CCDC191: variants seen among roughly 807,000 people sequenced by gnomAD.
The protein encoded by CCDC191 is coiled-coil domain containing 191, also known as coiled-coil domain-containing protein 191.
Under a neutral mutation model 114.0 loss-of-function variants are expected in CCDC191, and 99 were observed. That is an observed-to-expected ratio of 0.87 (90% CI 0.74 to 1.03). The LOEUF is 1.03. CCDC191 is among the 50% of genes least tolerant of loss of function. The pLI is 0.00. For synonymous variants in CCDC191, 351 were observed against 376.0 expected (o/e 0.93, Z 0.77); for missense variants, 973 against 1,087.0 (o/e 0.90, Z 1.47).
intron 9 of CCDC191, 61 bp from the exon 10 acceptor site, chr3:114,006,023 C>T: frequency 7.1e-7 from 1 of 1,402,402 alleles, no homozygotes; most frequent in Non-Finnish European, 1.0e-6. Flanking sequence ...TGAAATCCAA[C>T]ATTTATGAGG....
intron 16 of CCDC191, among the ~76,000 whole-genome samples, chr3:113,975,474 A>G (rs1941249948): frequency 6.6e-6 from 1 of 152,214 alleles, no homozygotes; most frequent in East Asian, 1.9e-4. Flanking sequence ...TTCCTGCAAT[A>G]AAGTTCATCT....
At chr3:114,054,580 T>C (rs904673850) in intron 1 of CCDC191, among the ~76,000 whole-genome samples, 5 of 152,172 alleles carry the variant, frequency 3.3e-5, no homozygotes, top group Non-Finnish European at 7.3e-5. Flanking sequence ...GAGCTTGCAG[T>C]GAGCCGAGAT....
intron 7 of CCDC191, among the ~76,000 whole-genome samples, chr3:114,025,464 C>A (rs2076308110): frequency 6.6e-6 from 1 of 152,128 alleles, no homozygotes; most frequent in Non-Finnish European, 1.5e-5. Context: ...ATATGTACCC[C>A]TTACATAAGG....
chr3:113,972,392 T>C (rs1035175193), intron 16 of CCDC191, among the ~76,000 whole-genome samples: 1 of 152,160 alleles, frequency 6.6e-6, no homozygotes, highest in Non-Finnish European at 1.5e-5. Flanking sequence ...GCTTCTGAAG[T>C]TCCTCTTACT....
intron 16 of CCDC191, among the ~76,000 whole-genome samples, chr3:113,967,386 T>A (rs1256447028): frequency 5.2e-5 from 6 of 115,446 alleles, no homozygotes; most frequent in African/African-American, 1.7e-4. Context: ...TTTCTCTTTC[T>A]TTCCCTACAT....
At chr3:114,055,374 C>G (rs1322175388) in intron 1 of CCDC191, among the ~76,000 whole-genome samples, 2 of 152,238 alleles carry the variant, frequency 1.3e-5, no homozygotes, top group East Asian at 3.8e-4. Flanking sequence ...CATTATGCAA[C>G]TGATGTATTG....
At chr3:113,989,300 C>T (rs1301136974) in intron 13 of CCDC191, among the ~76,000 whole-genome samples, 1 of 152,148 alleles carries the variant, frequency 6.6e-6, no homozygotes, top group Non-Finnish European at 1.5e-5. Flanking sequence ...CATACTCAAA[C>T]AATGTGACTT....
chr3:114,017,979 A>G (rs1392221243), intron 8 of CCDC191, among the ~76,000 whole-genome samples: 1 of 152,206 alleles, frequency 6.6e-6, no homozygotes, highest in East Asian at 1.9e-4. Context: ...AGATGATGGA[A>G]TAAAGAAAGC....
chr3:113,965,445 ATTC>A (rs1940024826), intron 16 of CCDC191, 86 bp from the exon 17 acceptor site: 1 of 683,412 alleles, frequency 1.5e-6, no homozygotes, highest in South Asian at 2.3e-5. Context: ...TATAAAAATA[ATTC>A]TTATGTTAAT....
intron 13 of CCDC191, among the ~76,000 whole-genome samples, chr3:114,001,383 G>A (rs1221664929): frequency 1.4e-4 from 21 of 152,174 alleles, no homozygotes. Flanking sequence ...AGGAGGGTGG[G>A]CAGGGCAGGA....
chr3:113,992,269 AGT>A (rs2075593440), intron 13 of CCDC191, among the ~76,000 whole-genome samples: 1 of 152,148 alleles, frequency 6.6e-6, no homozygotes, highest in Non-Finnish European at 1.5e-5. Flanking sequence ...CACGGAGGAA[AGT>A]GAGAGGAGAG....
At chr3:114,004,196 G>C (rs1387708044) in intron 11 of CCDC191, 1 of 969,496 alleles carries the variant, frequency 1.0e-6, no homozygotes, top group African/African-American at 1.8e-5. Flanking sequence ...CTATCAACAA[G>C]TTATAATATT....
chr3:114,011,878 A>T (rs1446133814), intron 8 of CCDC191, among the ~76,000 whole-genome samples: 1 of 152,204 alleles, frequency 6.6e-6, no homozygotes, highest in Non-Finnish European at 1.5e-5. Context: ...AGATCTATCT[A>T]TAAGTGAATG....
chr3:114,037,909 G>C (rs1452530793), intron 4 of CCDC191, among the ~76,000 whole-genome samples: 1 of 152,188 alleles, frequency 6.6e-6, no homozygotes, highest in South Asian at 2.1e-4. Context: ...ATCCATGGTT[G>C]GTTGAGTCCA....
intron 1 of CCDC191, among the ~76,000 whole-genome samples, chr3:114,054,842 C>T (rs1370544799): frequency 6.6e-6 from 1 of 152,032 alleles, no homozygotes; most frequent in Non-Finnish European, 1.5e-5. Flanking sequence ...TGCAGAATTC[C>T]CTCTAATAGT....
At chr3:113,982,194 T>C (rs2075178625) in intron 13 of CCDC191, among the ~76,000 whole-genome samples, 1 of 152,106 alleles carries the variant, frequency 6.6e-6, no homozygotes, top group African/African-American at 2.4e-5. Context: ...AAAAGGAAAA[T>C]TATTTTCAGC....
At chr3:113,987,205 A>G (rs757677786) in intron 13 of CCDC191, among the ~76,000 whole-genome samples, 2 of 152,130 alleles carry the variant, frequency 1.3e-5, no homozygotes, top group African/African-American at 2.4e-5. Flanking sequence ...AAGGAAAAAT[A>G]AAGACTCTCA....
rs575451538 is a variant in CCDC191, at chr3:114,025,353, C to A, written c.972+6273G>T. ...CCCAACTTCAAAAATTATCAACATT[C>A]TGCCAATCTTATTTCATCTCTCCCC... On this transcript the variant is annotated intron_variant, in intron 7 of 16. Coordinates refer to ENST00000295878, the MANE Select transcript of CCDC191 (RefSeq NM_020817.2). 5.3e-5 allele frequency among the ~76,000 whole-genome samples: 8 copies of A among 151,984 alleles called. No homozygotes were observed. In the South Asian group the frequency reaches 1.5e-3, roughly 28 times the overall value.
chr3:114,014,112 T>G (rs2076118771), intron 8 of CCDC191, among the ~76,000 whole-genome samples: 2 of 152,136 alleles, frequency 1.3e-5, no homozygotes, highest in East Asian at 3.8e-4. Flanking sequence ...CACAAGCTGG[T>G]GATCTGATTG....
Sources: gnomAD v4.1 joint callset for allele counts (sites outside exome capture counted in the v4.1 genomes callset) on GRCh38, gnomAD v4.1.1 for gene constraint, MANE v1.5 for transcripts, NCBI Gene and HGNC (gene_info 2026-07-23, HGNC 2026-07-21) for gene names.